Variants in ADAM9 observed in about 807,000 individuals in gnomAD.
ADAM9 encodes the protein disintegrin and metalloproteinase domain-containing protein 9.
In ADAM9, 54 loss-of-function variants were observed where a neutral mutation model predicts 108.1. That is an observed-to-expected ratio of 0.50 (90% CI 0.40 to 0.63). ADAM9 has a LOEUF of 0.63. ADAM9 is among the 20% of genes least tolerant of loss of function. The pLI is 0.00. For missense variants in ADAM9, 830 were observed against 997.7 expected, an observed-to-expected ratio of 0.83 and a Z score of 2.26; for synonymous variants, 316 against 336.0, an observed-to-expected ratio of 0.94 and a Z score of 0.65.
At chr8:39,030,099 A>G (rs1837052294) in intron 11 of ADAM9, among the ~76,000 whole-genome samples, 1 of 152,152 alleles carries the variant, frequency 6.6e-6, no homozygotes, top group Non-Finnish European at 1.5e-5. Context: ...CTATATTGAC[A>G]CATCATGATT....
intron 18 of ADAM9, among the ~76,000 whole-genome samples, chr8:39,084,223 T>C (rs1839111078): frequency 6.6e-6 from 1 of 152,150 alleles, no homozygotes; most frequent in African/African-American, 2.4e-5. Context: ...CTGATTCAAG[T>C]ATTCAAGTTC....
At chr8:39,034,002 A>G (rs764053284) in intron 11 of ADAM9, among the ~76,000 whole-genome samples, 4 of 152,142 alleles carry the variant, frequency 2.6e-5, no homozygotes, top group South Asian at 2.1e-4. Context: ...ATGGGACGAC[A>G]ACAACAACAA....
chr8:39,027,904 A>C (rs748951126), intron 11 of ADAM9, among the ~76,000 whole-genome samples: 5 of 149,930 alleles, frequency 3.3e-5, no homozygotes, highest in Non-Finnish European at 5.9e-5. Flanking sequence ...CCCTGTCTCT[A>C]AAAAAAAATA....
intron 8 of ADAM9, among the ~76,000 whole-genome samples, chr8:39,022,605 A>T (rs961841599): frequency 6.6e-6 from 1 of 152,206 alleles, no homozygotes; most frequent in Non-Finnish European, 1.5e-5. Context: ...CAAAAACTTA[A>T]TTTCCAGAGT....
Position 39,090,088 on chromosome 8 carries a change from T to C in ADAM9, c.2110T>C (p.Phe704Leu). ...ALRDGLLVFF[F>L]LIVPLIVCAI... ...GAGGGACGGACTTCTGGTCTTCTTC[T>C]TCCTAATTGTTCCCCTTATTGTCTG... Residue 704 changes from phenylalanine to leucine, a missense_variant, in exon 19 of 22, where the codon TTC becomes CTC. Phe to Leu is a conservative substitution (Grantham distance 22). This residue lies in a region of ADAM9 where 238 missense variants were observed against 235.7 expected (regional missense o/e 1.01). Transcript: ENST00000487273. 1.2e-6 allele frequency: 2 copies of C among 1,613,994 alleles called. No homozygotes were observed. Among genetic ancestry groups the C allele is most frequent in the Admixed American group, 1.7e-5 (1 of 60,022 alleles).
chr8:39,001,649 T>C (rs1312109959), intron 1 of ADAM9, among the ~76,000 whole-genome samples: 2 of 151,790 alleles, frequency 1.3e-5, no homozygotes, highest in African/African-American at 4.8e-5. Flanking sequence ...GTAGAAATTA[T>C]AATTAAGTAT....
chr8:39,072,830 T>C (rs1179375593), intron 15 of ADAM9, among the ~76,000 whole-genome samples: 1 of 152,258 alleles, frequency 6.6e-6, no homozygotes, highest in Non-Finnish European at 1.5e-5. Flanking sequence ...ATGTTTTCAT[T>C]ATTTTTTAGT....
At chr8:39,044,774 C>T (rs185839492) in intron 12 of ADAM9, among the ~76,000 whole-genome samples, 56 of 152,204 alleles carry the variant, frequency 3.7e-4, no homozygotes, top group Admixed American at 3.3e-3. Context: ...ATAATGGCCT[C>T]CAGCTCCATC....
At chr8:39,020,795 C>T (rs1223519189) in intron 7 of ADAM9, among the ~76,000 whole-genome samples, 1 of 152,102 alleles carries the variant, frequency 6.6e-6, no homozygotes, top group Non-Finnish European at 1.5e-5. Context: ...TCTTCTTCCA[C>T]TATGTGGCTG....
At chr8:39,046,170 G>A (rs1837766783) in intron 12 of ADAM9, among the ~76,000 whole-genome samples, 1 of 152,004 alleles carries the variant, frequency 6.6e-6, no homozygotes, top group African/African-American at 2.4e-5. Context: ...TAAGTTTTTA[G>A]TGTGTGATCT....
chr8:39,093,554 C>T (rs1471814562), intron 20 of ADAM9, among the ~76,000 whole-genome samples: 1 of 152,176 alleles, frequency 6.6e-6, no homozygotes, highest in Non-Finnish European at 1.5e-5. Context: ...TTTACTTCTT[C>T]CTTTCCAATT....
intron 14 of ADAM9, among the ~76,000 whole-genome samples, chr8:39,057,691 C>T (rs1486671185): frequency 1.3e-5 from 2 of 152,140 alleles, no homozygotes; most frequent in East Asian, 1.9e-4. Context: ...AGACTTTTCT[C>T]TTACTTGAGG....
chr8:39,074,361 A>G (rs1418638325), intron 15 of ADAM9, among the ~76,000 whole-genome samples: 3 of 152,196 alleles, frequency 2.0e-5, no homozygotes, highest in African/African-American at 4.8e-5. Context: ...ATTATAAAAA[A>G]GAAATTCCAA....
At chr8:39,053,071 T>A (rs1234754254) in intron 12 of ADAM9, among the ~76,000 whole-genome samples, 1 of 152,194 alleles carries the variant, frequency 6.6e-6, no homozygotes, top group Non-Finnish European at 1.5e-5. Context: ...TAATTTGCAT[T>A]TCCTTAGTAA....
At chr8:39,000,117 C>T (rs1315913054) in intron 1 of ADAM9, among the ~76,000 whole-genome samples, 4 of 151,336 alleles carry the variant, frequency 2.6e-5, no homozygotes, top group Admixed American at 6.6e-5. Context: ...CTTCACCTCC[C>T]GAGTTCAAGC....
chr8:39,024,763 A>G (rs1836865595), intron 9 of ADAM9, among the ~76,000 whole-genome samples: 1 of 152,202 alleles, frequency 6.6e-6, no homozygotes, highest in Non-Finnish European at 1.5e-5. Flanking sequence ...GAGATTGGCT[A>G]TACATGTGAT....
chr8:39,008,380 G>C (rs1317124274), intron 2 of ADAM9, among the ~76,000 whole-genome samples: 1 of 152,138 alleles, frequency 6.6e-6, no homozygotes, highest in Non-Finnish European at 1.5e-5. Flanking sequence ...CACCATGTTG[G>C]CCAGGCTGAT....
Position 39,089,992 on chromosome 8 carries a change from T to C in ADAM9, c.2069-55T>C, listed in dbSNP as rs534682656. ...ATGTAAAGTGTTTATAATCATCTAG[T>C]ATTTTCTGCCTAGTATGAGTTTGGT... On this transcript the variant is annotated intron_variant, in intron 18 of 21. Transcript: ENST00000487273. The C allele has an allele frequency of 5.8e-6, 9 of 1,540,426 alleles. No homozygotes were observed. The South Asian group carries it at 6.7e-5, about 11-fold the overall frequency.
intron 12 of ADAM9, among the ~76,000 whole-genome samples, chr8:39,052,689 A>G (rs919502476): frequency 2.6e-5 from 4 of 152,142 alleles, no homozygotes; most frequent in African/African-American, 9.7e-5. Flanking sequence ...AACCATTTAA[A>G]ATGGTTCTTT....
Sources: allele counts gnomAD v4.1 joint callset (sites outside exome capture counted in the v4.1 genomes callset), GRCh38; gene constraint gnomAD v4.1.1; regional missense constraint gnomAD v4.1.1; transcripts MANE v1.5; gene names NCBI Gene and HGNC (gene_info 2026-07-23, HGNC 2026-07-21).